The following CCBE1 variants were observed in gnomAD, a reference collection of about 807,000 sequenced individuals.
CCBE1 encodes the protein collagen and calcium binding EGF domains 1, also known as collagen and calcium-binding EGF domain-containing protein 1.
A neutral mutation model predicts 50.0 loss-of-function variants in CCBE1; 37 were observed. The observed-to-expected ratio is 0.74, with a 90% CI of 0.57 to 0.97. The LOEUF (loss-of-function observed/expected upper bound fraction) is 0.97. CCBE1 is among the 50% of genes least tolerant of loss of function. The pLI is 0.00. For missense variants in CCBE1, 538 were observed against 523.8 expected, an observed-to-expected ratio of 1.03 and a Z score of -0.26; for synonymous variants, 234 against 203.7, an observed-to-expected ratio of 1.15 and a Z score of -1.27.
In CCBE1 at chr18:59,601,010, G is replaced by GTTTTT. The variant is rs71177045; in HGVS notation, c.212+95614_212+95618dup. Among the ~76,000 whole-genome samples the GTTTTT allele has an allele frequency of 9.3e-4, 54 of 58,014 alleles. 16 individuals carry two copies. Among genetic ancestry groups the GTTTTT allele is most frequent in the South Asian group, 1.6e-3 (2 of 1,214 alleles). 38.1% of individuals were successfully genotyped at this position (58,014 alleles called of 152,430 possible). ...GATCTATTTTATTAGCTATGTGTCA[G>GTTTTT]TTTTTTTTTTTTTTTTTTTTTTTTT... On this transcript the variant is annotated intron_variant, in intron 2 of 10. Coordinates refer to ENST00000439986, the MANE Select transcript of CCBE1 (RefSeq NM_133459.4).
chr18:59,550,923 T>C (rs1285847600), intron 2 of CCBE1, among the ~76,000 whole-genome samples: 2 of 139,036 alleles, frequency 1.4e-5, no homozygotes, highest in African/African-American at 5.4e-5. Flanking sequence ...GAGAATGGCA[T>C]GAACCCAGGA....
chr18:59,493,876 A>G (rs903163450), intron 2 of CCBE1, among the ~76,000 whole-genome samples: 1 of 152,214 alleles, frequency 6.6e-6, no homozygotes, highest in Non-Finnish European at 1.5e-5. Context: ...TATTATAGTA[A>G]TAGTGAATAA....
intron 2 of CCBE1, among the ~76,000 whole-genome samples, chr18:59,667,598 C>A (rs369266379): frequency 6.6e-6 from 1 of 152,154 alleles, no homozygotes; most frequent in Non-Finnish European, 1.5e-5. Flanking sequence ...AAGCACGCAG[C>A]CAATACCAAC....
chr18:59,685,398 A>G (rs2054641854), intron 2 of CCBE1, among the ~76,000 whole-genome samples: 1 of 152,218 alleles, frequency 6.6e-6, no homozygotes, highest in South Asian at 2.1e-4. Flanking sequence ...AGGCACAGTG[A>G]CTGTCACCAA....
At chr18:59,488,165 C>T (rs376816609) in intron 2 of CCBE1, among the ~76,000 whole-genome samples, 3 of 152,092 alleles carry the variant, frequency 2.0e-5, no homozygotes, top group Admixed American at 1.3e-4. Context: ...AAAGTGGAAG[C>T]GTGGTTGCCA....
intron 2 of CCBE1, among the ~76,000 whole-genome samples, chr18:59,607,368 A>C (rs1176539361): frequency 2.6e-5 from 4 of 152,196 alleles, no homozygotes; most frequent in Non-Finnish European, 4.4e-5. Context: ...CCACAGACTC[A>C]GATGAGCTAG....
At chr18:59,691,595 G>A (rs1224803716) in intron 2 of CCBE1, among the ~76,000 whole-genome samples, 2 of 152,122 alleles carry the variant, frequency 1.3e-5, no homozygotes, top group Non-Finnish European at 2.9e-5. Flanking sequence ...TAGTAGAGAC[G>A]GGGTTTCACC....
chr18:59,544,171 G>A (rs186796035), intron 2 of CCBE1, among the ~76,000 whole-genome samples: 244 of 152,234 alleles, frequency 1.6e-3, no homozygotes, highest in Middle Eastern at 3.4e-3. Flanking sequence ...AAGCACTACA[G>A]GAATATTTTA....
At chr18:59,607,817 G>C (rs1216755883) in intron 2 of CCBE1, among the ~76,000 whole-genome samples, 3 of 152,202 alleles carry the variant, frequency 2.0e-5, no homozygotes, top group Non-Finnish European at 2.9e-5. Context: ...GCTCACTCCT[G>C]TAATCCCAGC....
At chr18:59,623,278 G>A (rs548541381) in intron 2 of CCBE1, among the ~76,000 whole-genome samples, 34 of 152,256 alleles carry the variant, frequency 2.2e-4, no homozygotes, top group South Asian at 1.2e-3. Flanking sequence ...TCAGTTAACC[G>A]CTGCCATTCT....
At chr18:59,463,363 G>A (rs1277870507) in intron 5 of CCBE1, among the ~76,000 whole-genome samples, 1 of 152,156 alleles carries the variant, frequency 6.6e-6, no homozygotes, top group Non-Finnish European at 1.5e-5. Flanking sequence ...GAGTAGCTGG[G>A]ACTCCAGGCA....
chr18:59,445,216 G>C (rs1226355443), intron 7 of CCBE1, among the ~76,000 whole-genome samples: 2 of 152,162 alleles, frequency 1.3e-5, no homozygotes, highest in African/African-American at 4.8e-5. Flanking sequence ...AATTTTTGCA[G>C]ATGGTGTAAG....
intron 2 of CCBE1, among the ~76,000 whole-genome samples, chr18:59,659,818 T>C (rs2054257693): frequency 6.6e-6 from 1 of 152,152 alleles, no homozygotes; most frequent in Non-Finnish European, 1.5e-5. Context: ...ATCAAACACA[T>C]GGATGAAAGC....
At chr18:59,478,865 G>A (rs535533166) in intron 3 of CCBE1, among the ~76,000 whole-genome samples, 56 of 152,300 alleles carry the variant, frequency 3.7e-4, no homozygotes, top group Admixed American at 1.2e-3. Flanking sequence ...ATAACCAACA[G>A]AATTGAGAAA....
chr18:59,649,595 T>A (rs1469265587), intron 2 of CCBE1, among the ~76,000 whole-genome samples: 3 of 152,256 alleles, frequency 2.0e-5, no homozygotes, highest in African/African-American at 7.2e-5. Flanking sequence ...ACCCTCTGCC[T>A]ACACTTTAGC....
chr18:59,438,243 A>G, intron 9 of CCBE1, 97 bp from the exon 10 acceptor site: 2 of 1,063,006 alleles, frequency 1.9e-6, no homozygotes, highest in Non-Finnish European at 2.9e-6. Context: ...TCCCTGCACA[A>G]AACAATAAAC....
At chr18:59,681,050 A>G (rs986998110) in intron 2 of CCBE1, among the ~76,000 whole-genome samples, 22 of 135,664 alleles carry the variant, frequency 1.6e-4, no homozygotes, top group African/African-American at 2.5e-4. Context: ...TTTGGCTGAG[A>G]AAAAAAAAAA....
intron 2 of CCBE1, among the ~76,000 whole-genome samples, chr18:59,677,754 G>T (rs968018904): frequency 6.6e-6 from 1 of 152,094 alleles, no homozygotes; most frequent in East Asian, 1.9e-4. Flanking sequence ...AACTGGATTA[G>T]TGCAGGCCTC....
At chr18:59,454,491 CT>C (rs1292693535) in intron 6 of CCBE1, among the ~76,000 whole-genome samples, 1 of 152,200 alleles carries the variant, frequency 6.6e-6, no homozygotes, top group Admixed American at 6.5e-5. Context: ...GGTGATCCAC[CT>C]GCCTCAGCCT....
Sources: allele counts gnomAD v4.1 joint callset (sites outside exome capture counted in the v4.1 genomes callset), GRCh38; gene constraint gnomAD v4.1.1; transcripts MANE v1.5; gene names NCBI Gene and HGNC (gene_info 2026-07-23, HGNC 2026-07-21).